Variants in VPS39 observed in about 807,000 individuals in gnomAD.
VPS39 encodes vam6/Vps39-like protein.
A neutral mutation model predicts 121.0 loss-of-function variants in VPS39; 70 were observed. The ratio of observed to expected loss-of-function variants is 0.58; its 90% CI spans 0.48 to 0.71. VPS39 has a LOEUF of 0.71. VPS39 is among the 30% of genes least tolerant of loss of function. The pLI is 0.00. For missense variants in VPS39, 818 were observed against 1,051.5 expected (o/e 0.78, Z 3.07); for synonymous variants, 378 against 398.1 (o/e 0.95, Z 0.60).
chr15:42,175,862 T>C (rs901953516), intron 10 of VPS39, among the ~76,000 whole-genome samples: 4 of 152,120 alleles, frequency 2.6e-5, no homozygotes, highest in Non-Finnish European at 5.9e-5. Flanking sequence ...AATGTTCCAT[T>C]TCCTGCTCTT....
chr15:42,170,439 G>T (rs2049324895), intron 11 of VPS39, among the ~76,000 whole-genome samples: 1 of 152,146 alleles, frequency 6.6e-6, no homozygotes, highest in Non-Finnish European at 1.5e-5. Context: ...GGAGGTCGAG[G>T]CTGCAGTGAG....
chr15:42,207,937 T>C, intron 1 of VPS39, 144 bp downstream of exon 1: 1 of 837,188 alleles, frequency 1.2e-6, no homozygotes, highest in Non-Finnish European at 1.8e-6. Flanking sequence ...GTCATCTCTC[T>C]GCCTTCTCTC....
In VPS39 at chr15:42,161,745, T is replaced by A; in HGVS notation, c.2489A>T (p.Gln830Leu). Residue 830 changes from glutamine to leucine, a missense_variant, in exon 24 of 25, where the codon CAG becomes CTG. By Grantham distance (113) the Gln-to-Leu change is moderately radical. Transcript: ENST00000318006. ...CTCCTCTGTGATGATGCACTTCACC[T>A]GCTGGTGTAAAATCCGCTCTTCCTG... ...RVQEERILHQ[Q>L]VKCIITEEKV... 6.2e-7 allele frequency: 1 copy of A among 1,614,206 alleles called. No homozygotes were observed. The highest frequency in any genetic ancestry group is 8.5e-7 in the Non-Finnish European group (1 of 1,180,032).
At chr15:42,168,393 T>C (rs2049286061) in intron 12 of VPS39, among the ~76,000 whole-genome samples, 1 of 152,138 alleles carries the variant, frequency 6.6e-6, no homozygotes, top group African/African-American at 2.4e-5. Context: ...TGTGTGCTCC[T>C]TGCAGGCTGC....
intron 2 of VPS39, among the ~76,000 whole-genome samples, chr15:42,197,094 A>T (rs1460892672): frequency 2.1e-5 from 3 of 146,246 alleles, no homozygotes; most frequent in Non-Finnish European, 4.5e-5. Context: ...CAAACACTGC[A>T]TGTTCTCACT....
At chr15:42,179,606 TAAATA>T (rs1160180844) in intron 8 of VPS39, among the ~76,000 whole-genome samples, 3 of 120,502 alleles carry the variant, frequency 2.5e-5, no homozygotes, top group Admixed American at 8.0e-5. Context: ...AATAAATAAA[TAAATA>T]AATAAATAAA....
At chr15:42,178,738 T>A in intron 8 of VPS39, 168 bp from the exon 9 acceptor site, 43 of 974,272 alleles carry the variant, frequency 4.4e-5, no homozygotes, top group South Asian at 6.4e-5. Context: ...AAAAAAAAAA[T>A]TGGCCTGTAA....
rs149062725 is a variant in VPS39, at chr15:42,162,123, C to A, written c.2369G>T (p.Arg790Leu). 1 of 1,614,134 alleles carries A rather than the reference C, an allele frequency of 6.2e-7. No individual in the cohort carries two copies. The highest frequency in any genetic ancestry group is 8.5e-7 in the Non-Finnish European group (1 of 1,180,042). The part of the protein sequence containing the change: ...LPANTQINDI[R>L]IFLEKVLEEN... Reference sequence around the variant, plus strand: ...TTCCAAGACCTTTTCCAGGAAGATGCGTATGTCATTGATCTGAGTGTTTGC... The same window carrying A: ...TTCCAAGACCTTTTCCAGGAAGATGAGTATGTCATTGATCTGAGTGTTTGC... Residue 790 changes from arginine (R) to leucine (L), a missense_variant, in exon 23 of 25, where the codon CGC (arginine) becomes CTC (leucine). Coordinates refer to ENST00000318006, the MANE Select transcript of VPS39 (RefSeq NM_015289.5).
intron 2 of VPS39, 195 bp downstream of exon 2, chr15:42,199,701 C>T (rs1444830318): frequency 1.7e-6 from 1 of 572,528 alleles, no homozygotes; most frequent in Non-Finnish European, 3.1e-6. Flanking sequence ...TTCATCCTCA[C>T]CTCCCAAATG....
At chr15:42,197,837 C>T (rs1231879336) in intron 2 of VPS39, among the ~76,000 whole-genome samples, 2 of 152,120 alleles carry the variant, frequency 1.3e-5, no homozygotes, top group African/African-American at 4.8e-5. Context: ...TATCTCAAAT[C>T]TGGAAACCAA....
rs1300675416 is a variant in VPS39, at chr15:42,208,194, T to C, written c.-41A>G. On this transcript the variant is annotated 5_prime_UTR_variant, in exon 1 of 25. Transcript: ENST00000318006. ...GTTGCCACCGCCGTCTCGCCCAGAGTGTTCCGGGCCGGGCTGGGGTCCGGA... is the reference window on the plus strand; with the variant it reads ...GTTGCCACCGCCGTCTCGCCCAGAGCGTTCCGGGCCGGGCTGGGGTCCGGA... 1.0e-5 allele frequency: 16 copies of C among 1,553,374 alleles called. No individual in the cohort carries two copies. The highest frequency in any genetic ancestry group is 1.4e-5 in the African/African-American group (1 of 73,146).
chr15:42,196,866 C>T (rs764599391), intron 2 of VPS39, among the ~76,000 whole-genome samples: 2 of 152,056 alleles, frequency 1.3e-5, no homozygotes, highest in Non-Finnish European at 2.9e-5. Context: ...TATAAAGACA[C>T]ATGCACACGT....
intron 16 of VPS39, 37 bp downstream of exon 16, chr15:42,166,122 G>A (rs1566891138): frequency 3.8e-6 from 6 of 1,591,310 alleles, no homozygotes; most frequent in Non-Finnish European, 5.2e-6. Context: ...AGAACCAAGT[G>A]TTTACCAGAT....
At chr15:42,179,710 G>A (rs2049542077) in intron 8 of VPS39, among the ~76,000 whole-genome samples, 1 of 152,004 alleles carries the variant, frequency 6.6e-6, no homozygotes, top group Non-Finnish European at 1.5e-5. Context: ...TAAGGGAAGA[G>A]TTCCACATTT....
chr15:42,165,772 A>G lies in VPS39; in HGVS notation c.1725T>C (p.Asp575=). Residue 575 remains aspartate, a synonymous_variant, in exon 17 of 25, where the codon GAT becomes GAC. Coordinates refer to ENST00000318006, the MANE Select transcript of VPS39 (RefSeq NM_015289.5). ...TCTCTATTAAGAAGCCGAGGACTCG[A>G]TCACGTGGCAGAGACTCCACTTCCG... is the stretch of plus-strand genomic sequence containing the variant. The part of the protein sequence containing the change: ...DLPEVESLPR[D]RVLGFLIENF... 1 of 1,614,200 alleles carries G rather than the reference A, an allele frequency of 6.2e-7. No individual in the cohort carries two copies. The highest frequency in any genetic ancestry group is 8.5e-7 in the Non-Finnish European group (1 of 1,180,024).
intron 6 of VPS39, 35 bp downstream of exon 6, chr15:42,187,723 C>T (rs762229878): frequency 6.2e-7 from 1 of 1,603,310 alleles, no homozygotes; most frequent in Non-Finnish European, 8.5e-7. Flanking sequence ...GCAGCAGCTC[C>T]CACCCAACCA....
At chr15:42,197,697 C>A (rs1185794056) in intron 2 of VPS39, among the ~76,000 whole-genome samples, 5 of 152,216 alleles carry the variant, frequency 3.3e-5, no homozygotes, top group Non-Finnish European at 7.4e-5. Flanking sequence ...ACTGGCTCAA[C>A]TGAGCTCCAG....
Position 42,160,791 on chromosome 15 carries a change from T to C in VPS39, c.2591A>G (p.Tyr864Cys), listed in dbSNP as rs1295773241. ...TGGGTTTACCTCTTTGGAACAGAAG[T>C]AATGGACGACCACTCCATTGGGGTA... Reference protein sequence around the residue: ...ARYPNGVVVHYFCSKEVNPAD... With the variant: ...ARYPNGVVVHCFCSKEVNPAD... Residue 864 changes from tyrosine to cysteine, a missense_variant, in exon 25 of 25, where the codon TAC (tyrosine) becomes TGC (cysteine). Transcript: ENST00000318006. 7 of 1,614,202 alleles carry C rather than the reference T, an allele frequency of 4.3e-6. No homozygotes were observed. The highest frequency in any genetic ancestry group is 5.9e-6 in the Non-Finnish European group (7 of 1,180,040).
rs184320507 is a variant in VPS39, at chr15:42,189,600, G to A, written c.248-392C>T. On this transcript the variant is annotated intron_variant, in intron 4 of 24. Coordinates refer to ENST00000318006, the MANE Select transcript of VPS39 (RefSeq NM_015289.5). Reference sequence around the variant, plus strand: ...AAAAATCAGCTGGGTATGGTGGTGGGTGCCTGTAATCCCAGCTACTCAGGG... The same window carrying A: ...AAAAATCAGCTGGGTATGGTGGTGGATGCCTGTAATCCCAGCTACTCAGGG... Among the ~76,000 whole-genome samples, 740 of 151,606 alleles carry A rather than the reference G, an allele frequency of 4.9e-3. 7 individuals are homozygous for A. The highest frequency in any genetic ancestry group is 0.017 in the African/African-American group (714 of 41,294).
Sources: allele counts gnomAD v4.1 joint callset (sites outside exome capture counted in the v4.1 genomes callset), GRCh38; gene constraint gnomAD v4.1.1; transcripts MANE v1.5; gene names NCBI Gene and HGNC (gene_info 2026-07-23, HGNC 2026-07-21).